FAM171A1: variants seen among roughly 807,000 people sequenced by gnomAD.
The protein encoded by FAM171A1 is protein FAM171A1.
A neutral mutation model predicts 74.9 loss-of-function variants in FAM171A1; 23 were observed. The observed-to-expected ratio is 0.31, with a 90% CI of 0.22 to 0.44. The LOEUF (loss-of-function observed/expected upper bound fraction) is 0.44. Ranked by LOEUF, FAM171A1 falls within the 20% of genes least tolerant of loss-of-function variation. The probability of loss-of-function intolerance (pLI) is 1.00; values close to 1 mark genes in which losing one functional copy is unlikely to be tolerated. For synonymous variants in FAM171A1, 527 were observed against 505.7 expected (o/e 1.04, Z -0.57); for missense variants, 1,162 against 1,159.2 (o/e 1.00, Z -0.03).
At chr10:15,240,178 T>G (rs915910873) in intron 5 of FAM171A1, among the ~76,000 whole-genome samples, 1 of 152,140 alleles carries the variant, frequency 6.6e-6, no homozygotes, top group Admixed American at 6.5e-5. Flanking sequence ...CTGGTCAACA[T>G]GGTGAAACCC....
At chr10:15,319,423 C>A (rs536030769) in intron 1 of FAM171A1, among the ~76,000 whole-genome samples, 17 of 151,708 alleles carry the variant, frequency 1.1e-4, no homozygotes, top group Middle Eastern at 6.8e-3. Context: ...GAACAATAGT[C>A]CAGGGATTTT....
At chr10:15,303,015 C>G (rs1835251170) in intron 1 of FAM171A1, among the ~76,000 whole-genome samples, 1 of 152,054 alleles carries the variant, frequency 6.6e-6, no homozygotes, top group African/African-American at 2.4e-5. Context: ...ATGGTGAAAC[C>G]CCGTCTCTAC....
chr10:15,294,556 C>G (rs1835138808), intron 1 of FAM171A1, among the ~76,000 whole-genome samples: 1 of 152,372 alleles, frequency 6.6e-6, no homozygotes, highest in Admixed American at 6.5e-5. Flanking sequence ...CGATTCAGAG[C>G]TCCTCTGCTC....
chr10:15,258,947 T>C (rs1314592397), intron 3 of FAM171A1, among the ~76,000 whole-genome samples: 1 of 152,206 alleles, frequency 6.6e-6, no homozygotes, highest in East Asian at 1.9e-4. Context: ...GCTGGTACCA[T>C]CCACTCCAGC....
Position 15,295,247 on chromosome 10 carries a change from T to C in FAM171A1, c.98-11142A>G, listed in dbSNP as rs148953152. Among the ~76,000 whole-genome samples, 240 of 152,326 alleles carry C rather than the reference T, an allele frequency of 1.6e-3. 2 individuals are homozygous for C. In the East Asian group the frequency reaches 0.023, roughly 15 times the overall value. On this transcript the variant is annotated intron_variant, in intron 1 of 7. Transcript: ENST00000378116. The stretch of plus-strand genomic sequence containing the variant: ...GCCACCACGCCCGGCCAGCATGCCT[T>C]GTTTTTAATCCCCACTTTGTCAAAT...
intron 5 of FAM171A1, among the ~76,000 whole-genome samples, chr10:15,227,506 C>T (rs1210646293): frequency 1.3e-5 from 2 of 152,306 alleles, no homozygotes; most frequent in East Asian, 1.9e-4. Flanking sequence ...TCTCAGCCTC[C>T]CAAATAGCTC....
intron 7 of FAM171A1, among the ~76,000 whole-genome samples, chr10:15,215,772 T>G (rs772842423): frequency 6.6e-6 from 1 of 152,106 alleles, no homozygotes; most frequent in African/African-American, 2.4e-5. Context: ...TTTTCATAAC[T>G]CCCCTTCTAA....
At chr10:15,243,760 C>CAT in intron 5 of FAM171A1, among the ~76,000 whole-genome samples, 1 of 151,322 alleles carries the variant, frequency 6.6e-6, no homozygotes, top group Non-Finnish European at 1.5e-5. Context: ...TGTACATATA[C>CAT]ATATATACAT....
Position 15,318,604 on chromosome 10 carries a change from G to A in FAM171A1, c.98-34499C>T, listed in dbSNP as rs144551853. 4.5e-4 allele frequency among the ~76,000 whole-genome samples: 69 copies of A among 152,322 alleles called. 1 individual carries two copies. In the East Asian group the frequency reaches 0.013, roughly 29 times the overall value. On this transcript the variant is annotated intron_variant, in intron 1 of 7. Coordinates refer to ENST00000378116, the MANE Select transcript of FAM171A1 (RefSeq NM_001010924.2). ...CTGGTTCCCATCAGTACGTAGGTCA[G>A]TTGTTTTTAAGAGTTGGAGGTGTGT...
intron 3 of FAM171A1, among the ~76,000 whole-genome samples, chr10:15,257,890 C>T (rs371280226): frequency 6.6e-5 from 10 of 151,976 alleles, no homozygotes; most frequent in African/African-American, 2.4e-4. Flanking sequence ...GTACTAAAGC[C>T]GCTAAATAGT....
intron 3 of FAM171A1, among the ~76,000 whole-genome samples, chr10:15,261,487 A>G (rs1209698439): frequency 6.6e-6 from 1 of 152,190 alleles, no homozygotes; most frequent in East Asian, 1.9e-4. Flanking sequence ...CATCAATAAC[A>G]TTCATTACTC....
At chr10:15,222,789 G>A (rs775354611) in intron 5 of FAM171A1, among the ~76,000 whole-genome samples, 4 of 152,242 alleles carry the variant, frequency 2.6e-5, no homozygotes, top group South Asian at 2.1e-4. Flanking sequence ...ACATGGCAGC[G>A]GCACACAGTG....
chr10:15,372,527 C>G (rs962389164), upstream of FAM171A1, among the ~76,000 whole-genome samples: 2 of 74,280 alleles, frequency 2.7e-5, no homozygotes, highest in African/African-American at 9.6e-5. Context: ...GAAACCCTGT[C>G]TCTACCAAAA....
chr10:15,330,476 T>C (rs1835614568), intron 1 of FAM171A1, among the ~76,000 whole-genome samples: 2 of 152,144 alleles, frequency 1.3e-5, no homozygotes. Flanking sequence ...GGCAGAGAGA[T>C]GACAGATACT....
intron 1 of FAM171A1, among the ~76,000 whole-genome samples, chr10:15,292,756 G>A (rs534006017): frequency 3.9e-5 from 6 of 152,260 alleles, no homozygotes; most frequent in African/African-American, 1.4e-4. Context: ...AACATGCTGG[G>A]ATTACAGGGG....
At chr10:15,221,649 C>G (rs1013770666) in intron 5 of FAM171A1, among the ~76,000 whole-genome samples, 1 of 152,224 alleles carries the variant, frequency 6.6e-6, no homozygotes, top group African/African-American at 2.4e-5. Context: ...GCTGTATCTT[C>G]CAGTTATTAC....
rs1156377243 is a variant in FAM171A1 at position 15,213,718 on chromosome 10, C to T, written c.1870G>A (p.Gly624Arg). ...TGTGAGGACGGGTGTGGGAAGATCC[C>T]GGCATGGGGATTGGACAGCTCAGCC... ...LQAELSNPHA[G>R]IFPHPSSQIQ... Residue 624 changes from glycine (G) to arginine (R), a missense_variant, in exon 8 of 8, where the codon GGG becomes AGG. Gly to Arg is a moderately radical substitution (Grantham distance 125). Coordinates refer to ENST00000378116, the MANE Select transcript of FAM171A1 (RefSeq NM_001010924.2). This position sits in a 1 kb window ranked among gnomAD's most constrained non-coding sequence, Gnocchi z 6.8. 11 of 1,611,964 alleles carry T rather than the reference C, an allele frequency of 6.8e-6. No individual in the cohort carries two copies. The highest frequency in any genetic ancestry group is 8.5e-6 in the Non-Finnish European group (10 of 1,178,646).
chr10:15,241,868 T>C (rs935827355), intron 5 of FAM171A1: 5 of 152,214 alleles, frequency 3.3e-5, no homozygotes, highest in African/African-American at 1.2e-4. Flanking sequence ...ACTAAAACTT[T>C]GTACCCCTTG....
intron 1 of FAM171A1, among the ~76,000 whole-genome samples, chr10:15,348,030 T>G (rs1480759282): frequency 6.6e-6 from 1 of 151,934 alleles, no homozygotes; most frequent in East Asian, 1.9e-4. Context: ...CAGGCTGGAG[T>G]GCAATGGCAC....
Sources: gnomAD v4.1 joint callset for allele counts (sites outside exome capture counted in the v4.1 genomes callset) on GRCh38, gnomAD v4.1.1 for gene constraint, Gnocchi (gnomAD v3.1) non-coding constraint, MANE v1.5 for transcripts, NCBI Gene and HGNC (gene_info 2026-07-23, HGNC 2026-07-21) for gene names.